SLC8A3: variants seen among roughly 807,000 people sequenced by gnomAD.
SLC8A3 encodes solute carrier family 8 member A3.
SLC8A3 carries 37 observed loss-of-function variants against 65.4 expected under a neutral mutation model. That is an observed-to-expected ratio of 0.57 (90% CI 0.44 to 0.74). The LOEUF (loss-of-function observed/expected upper bound fraction) is 0.74, where lower values mean the gene tolerates loss of function less well. Among genes scored for constraint, SLC8A3 ranks in the 30% least tolerant of loss-of-function variants. The pLI, the probability that SLC8A3 is intolerant of heterozygous loss-of-function variation, is 0.00. For missense variants in SLC8A3, 1,112 were observed against 1,172.1 expected, an observed-to-expected ratio of 0.95 and a Z score of 0.75; for synonymous variants, 461 against 444.5, an observed-to-expected ratio of 1.04 and a Z score of -0.47.
chr14:70,159,086 G>A (rs938056070), intron 2 of SLC8A3, among the ~76,000 whole-genome samples: 1 of 152,160 alleles, frequency 6.6e-6, no homozygotes, highest in Non-Finnish European at 1.5e-5. Flanking sequence ...CTGGGTTCTG[G>A]AAGCACAGCT....
chr14:70,181,141 G>A (rs745344958), intron 1 of SLC8A3, among the ~76,000 whole-genome samples: 2 of 152,148 alleles, frequency 1.3e-5, no homozygotes, highest in African/African-American at 4.8e-5. Context: ...AGGAATCCAA[G>A]GCCCAGAGAA....
At chr14:70,058,813 C>T (rs917120002) in intron 3 of SLC8A3, among the ~76,000 whole-genome samples, 34 of 152,282 alleles carry the variant, frequency 2.2e-4, no homozygotes, top group African/African-American at 7.5e-4. Context: ...CCTTCCTGTA[C>T]GCTGTACATG....
At chr14:70,158,265 C>T (rs999075190) in intron 2 of SLC8A3, among the ~76,000 whole-genome samples, 19 of 152,282 alleles carry the variant, frequency 1.2e-4, no homozygotes, top group African/African-American at 3.6e-4. Context: ...AGCCAGGGCT[C>T]GGTTAGCCCT....
Position 70,129,326 on chromosome 14 carries a change from G to A in SLC8A3, c.1784+37313C>T, listed in dbSNP as rs531917721. 2.6e-5 allele frequency among the ~76,000 whole-genome samples: 4 copies of A among 152,272 alleles called. No individual in the cohort carries two copies. The South Asian group carries it at 8.3e-4, about 32-fold the overall frequency. On this transcript the variant is annotated intron_variant, in intron 2 of 6. Transcript: ENST00000356921. Reference sequence around the variant, plus strand: ...ACTCCTGGACACAGGGTGAAGGAGGGCTAAATAACTCTGAGAAAACTTGCC... The same window carrying A: ...ACTCCTGGACACAGGGTGAAGGAGGACTAAATAACTCTGAGAAAACTTGCC...
At position 70,149,367 on chromosome 14, in the gene SLC8A3, A is replaced by G. The variant is rs1030055534; in HGVS notation, c.1784+17272T>C. 7.9e-5 allele frequency among the ~76,000 whole-genome samples: 12 copies of G among 152,108 alleles called. 1 individual carries two copies. Among genetic ancestry groups the G allele is most frequent in the African/African-American group, 2.9e-4 (12 of 41,404 alleles). On this transcript the variant is annotated intron_variant, in intron 2 of 6. Coordinates refer to ENST00000356921, the MANE Select transcript of SLC8A3 (RefSeq NM_182932.3). ...GAGAGGCAGCACCATCCACAGCACT[A>G]TGGGAGAGTCACGGGTCTTGCTCCA...
chr14:70,179,189 C>T (rs1882507205), intron 1 of SLC8A3, among the ~76,000 whole-genome samples: 1 of 152,226 alleles, frequency 6.6e-6, no homozygotes, highest in South Asian at 2.1e-4. Context: ...TAGATGCCCC[C>T]TCTCTGAGAG....
chr14:70,168,230 G>C lies in SLC8A3; in HGVS notation c.193C>G (p.Pro65Ala). Residue 65 changes from proline (P) to alanine (A), a missense_variant, in exon 2 of 7, where the codon CCG (proline) becomes GCG (alanine). Pro to Ala is a conservative substitution (Grantham distance 27, BLOSUM62 -1). Coordinates refer to ENST00000356921, the MANE Select transcript of SLC8A3 (RefSeq NM_182932.3). The part of the protein sequence containing the change: ...KEGVILPIWY[P>A]ENPSLGDKIA... ...TTGTCCCCAAGGGAAGGGTTCTCCG[G>C]GTACCAGATTGGCAGGATGACACCC... 1 of 1,614,158 alleles carries C rather than the reference G, an allele frequency of 6.2e-7. No individual in the cohort carries two copies. Among genetic ancestry groups the C allele is most frequent in the Non-Finnish European group, 8.5e-7 (1 of 1,180,030 alleles).
chr14:70,183,585 T>C (rs1225955220), intron 1 of SLC8A3, among the ~76,000 whole-genome samples: 1 of 152,226 alleles, frequency 6.6e-6, no homozygotes, highest in Non-Finnish European at 1.5e-5. Flanking sequence ...TGCCCAGTGT[T>C]GAGTTTAGAG....
intron 1 of SLC8A3, among the ~76,000 whole-genome samples, chr14:70,168,870 T>G (rs1897328650): frequency 6.6e-6 from 1 of 152,240 alleles, no homozygotes; most frequent in South Asian, 2.1e-4. Flanking sequence ...TTCCTTACCC[T>G]GTTGTCATTA....
chr14:70,153,351 T>C (rs1366369078), intron 2 of SLC8A3, among the ~76,000 whole-genome samples: 1 of 152,164 alleles, frequency 6.6e-6, no homozygotes, highest in Non-Finnish European at 1.5e-5. Flanking sequence ...GGGGATTTAC[T>C]TACTCCTGAG....
chr14:70,073,875 C>T (rs1230876591), intron 2 of SLC8A3, among the ~76,000 whole-genome samples: 6 of 152,236 alleles, frequency 3.9e-5, no homozygotes, highest in East Asian at 1.9e-4. Context: ...CCTTAATTCC[C>T]TGTCCACTCA....
intron 1 of SLC8A3, among the ~76,000 whole-genome samples, chr14:70,172,722 G>T (rs986440160): frequency 6.6e-6 from 1 of 151,968 alleles, no homozygotes; most frequent in Non-Finnish European, 1.5e-5. Context: ...GCCCTCAAAG[G>T]TACAATCTAG....
Position 70,060,953 on chromosome 14 carries a change from AAG to A in SLC8A3, c.1785-16_1785-15del, listed in dbSNP as rs1033993130. On this transcript the variant is annotated splice_polypyrimidine_tract_variant and intron_variant, in intron 2 of 6. Transcript: ENST00000356921. ...CTTATGGTTTTCCTGTAGGGACAACAAGAGAGAGAGTGTGTCGACTGGGTCGG... is the reference window on the plus strand; with the variant it reads ...CTTATGGTTTTCCTGTAGGGACAACAAGAGAGAGTGTGTCGACTGGGTCGG... The A allele has an allele frequency of 3.3e-6, 4 of 1,222,934 alleles. No individual in the cohort carries two copies. Among genetic ancestry groups the A allele is most frequent in the African/African-American group, 1.5e-5 (1 of 66,000 alleles). 75.8% of individuals were successfully genotyped at this position (1,222,934 alleles called of 1,614,324 possible).
intron 2 of SLC8A3, among the ~76,000 whole-genome samples, chr14:70,066,081 AACT>A (rs964485863): frequency 2.0e-5 from 3 of 152,234 alleles, no homozygotes; most frequent in African/African-American, 7.2e-5. Flanking sequence ...GACAGGCGTT[AACT>A]AGTGGCAAGA....
intron 2 of SLC8A3, among the ~76,000 whole-genome samples, chr14:70,115,610 G>T (rs917878924): frequency 6.6e-6 from 1 of 152,186 alleles, no homozygotes; most frequent in African/African-American, 2.4e-5. Flanking sequence ...GGAGAGGGAC[G>T]ATGGGAAGCA....
intron 2 of SLC8A3, among the ~76,000 whole-genome samples, chr14:70,157,018 CA>C (rs1487751797): frequency 5.3e-5 from 8 of 152,190 alleles, no homozygotes; most frequent in African/African-American, 1.9e-4. Context: ...ATATGTGCCA[CA>C]AGCATCATTC....
chr14:70,116,965 T>G (rs991029717), intron 2 of SLC8A3, among the ~76,000 whole-genome samples: 4 of 152,252 alleles, frequency 2.6e-5, no homozygotes, highest in South Asian at 2.1e-4. Context: ...CAATCTGGTT[T>G]GGTGGCTTTT....
In SLC8A3 at chr14:70,060,916, A is replaced by G. The variant is rs763630654; in HGVS notation, c.1808T>C (p.Val603Ala). The G allele has an allele frequency of 1.3e-6, 2 of 1,512,334 alleles. No individual in the cohort carries two copies. Among genetic ancestry groups the G allele is most frequent in the African/African-American group, 1.4e-5 (1 of 71,578 alleles). 93.7% of individuals were successfully genotyped at this position (1,512,334 alleles called of 1,614,324 possible). The stretch of plus-strand genomic sequence containing the variant: ...TTGCCTTTCGTATTCCTCCTCATCT[A>G]CTATTTTAACCCTTATGGTTTTCCT... ...ETVKTIRVKI[V>A]DEEEYERQEN... The change falls in exon 3 of 7, where the codon GTA (valine) becomes GCA (alanine). Residue 603 changes from valine (V) to alanine (A), a missense_variant. By Grantham distance (64) the Val-to-Ala change is moderately conservative. Transcript: ENST00000356921.
intron 2 of SLC8A3, among the ~76,000 whole-genome samples, chr14:70,125,759 C>CT (rs900939306): frequency 5.9e-5 from 9 of 151,914 alleles, no homozygotes; most frequent in Admixed American, 1.3e-4. Flanking sequence ...TCCTAGGGAG[C>CT]TTTTTTTTAA....
Sources: gnomAD v4.1 joint callset for allele counts (sites outside exome capture counted in the v4.1 genomes callset) on GRCh38, gnomAD v4.1.1 for gene constraint, MANE v1.5 for transcripts, NCBI Gene and HGNC (gene_info 2026-07-23, HGNC 2026-07-21) for gene names.